DDAH1: variants seen among roughly 807,000 people sequenced by gnomAD.
DDAH1 encodes dimethylarginine dimethylaminohydrolase 1, also known as N(G),N(G)-dimethylarginine dimethylaminohydrolase 1.
A neutral mutation model predicts 28.8 loss-of-function variants in DDAH1; 19 were observed. The ratio of observed to expected loss-of-function variants is 0.66; its 90% confidence interval spans 0.46 to 0.97. The LOEUF is 0.97. DDAH1 is among the 50% of genes least tolerant of loss of function. The pLI is 0.00. For missense variants in DDAH1, 326 were observed against 375.9 expected, an observed-to-expected ratio of 0.87 and a Z score of 1.10; for synonymous variants, 153 against 154.4, an observed-to-expected ratio of 0.99 and a Z score of 0.07.
chr1:85,413,196 A>G (rs1236346617), intron 1 of DDAH1, among the ~76,000 whole-genome samples: 1 of 152,238 alleles, frequency 6.6e-6, no homozygotes, highest in Non-Finnish European at 1.5e-5. Flanking sequence ...ACTGAACTGC[A>G]TCTATGATAA....
rs531131988 is a variant in DDAH1 at position 85,337,385 on chromosome 1, G to T, written c.598-12502C>A. Among the ~76,000 whole-genome samples the T allele has an allele frequency of 3.3e-5, 5 of 152,024 alleles. No individual in the cohort carries two copies. In the South Asian group the frequency reaches 1.0e-3, roughly 32 times the overall value. The stretch of plus-strand genomic sequence containing the variant: ...CTGTTGGACTTAACTGCATACACTT[G>T]TCAAAACTCATTGAATTATCCATTT... On this transcript the variant is annotated intron_variant, in intron 4 of 5. Coordinates refer to ENST00000284031, the MANE Select transcript of DDAH1 (RefSeq NM_012137.4).
At chr1:85,323,494 A>G (rs1422399753) in intron 5 of DDAH1, among the ~76,000 whole-genome samples, 3 of 152,186 alleles carry the variant, frequency 2.0e-5, no homozygotes, top group Admixed American at 1.3e-4. Context: ...ATCCAGAGAG[A>G]GCTCCCTTAT....
At chr1:85,500,104 CTT>C (rs1656745662) in intron 1 of DDAH1, among the ~76,000 whole-genome samples, 1 of 128,164 alleles carries the variant, frequency 7.8e-6, no homozygotes, top group Non-Finnish European at 1.6e-5. Flanking sequence ...CCTCCTTCCT[CTT>C]TCTTTTCTTT....
chr1:85,466,581 A>G (rs1389448149), upstream of DDAH1, among the ~76,000 whole-genome samples: 1 of 152,074 alleles, frequency 6.6e-6, no homozygotes, highest in East Asian at 1.9e-4. Flanking sequence ...CAGCTCTGAC[A>G]CTGACATTGG....
At chr1:85,364,911 C>T (rs998604541) in intron 1 of DDAH1, among the ~76,000 whole-genome samples, 4 of 152,102 alleles carry the variant, frequency 2.6e-5, no homozygotes, top group Non-Finnish European at 5.9e-5. Flanking sequence ...ATTTTGTGTA[C>T]TCAATGATCC....
At chr1:85,547,782 C>T (rs905793870) in intron 1 of DDAH1, among the ~76,000 whole-genome samples, 1 of 152,154 alleles carries the variant, frequency 6.6e-6, no homozygotes. Flanking sequence ...TGCTGACTGG[C>T]CATCCAGGTC....
intron 1 of DDAH1, among the ~76,000 whole-genome samples, chr1:85,534,007 C>T (rs1320352829): frequency 5.9e-5 from 9 of 152,306 alleles, no homozygotes; most frequent in African/African-American, 2.2e-4. Flanking sequence ...CTAGAACTGA[C>T]ACCTTGTAGG....
chr1:85,395,377 T>C (rs1186833914), intron 1 of DDAH1, among the ~76,000 whole-genome samples: 1 of 152,130 alleles, frequency 6.6e-6, no homozygotes, highest in Admixed American at 6.6e-5. Flanking sequence ...GTTGTTTCAA[T>C]ATGAAAACGA....
intron 1 of DDAH1, among the ~76,000 whole-genome samples, chr1:85,562,469 C>T (rs1659169033): frequency 6.6e-6 from 1 of 152,078 alleles, no homozygotes; most frequent in Admixed American, 6.5e-5. Flanking sequence ...AGGCCTAGTA[C>T]CTGAGAATGT....
chr1:85,436,457 T>C lies in DDAH1; in HGVS notation c.303+28286A>G, dbSNP rs1325129484. On this transcript the variant is annotated intron_variant, in intron 1 of 5. Coordinates refer to ENST00000284031, the MANE Select transcript of DDAH1 (RefSeq NM_012137.4). ...TTGGCCAAAACCCCAGGGAAAGCTG[T>C]TGCATATCATTAATACGAATGTGTT... Among the ~76,000 whole-genome samples the C allele has an allele frequency of 6.6e-5, 10 of 152,174 alleles. 1 individual carries two copies. Among genetic ancestry groups the C allele is most frequent in the Non-Finnish European group, 1.0e-4 (7 of 68,038 alleles).
chr1:85,528,586 C>T (rs1657951664), intron 1 of DDAH1, among the ~76,000 whole-genome samples: 1 of 151,822 alleles, frequency 6.6e-6, no homozygotes, highest in Non-Finnish European at 1.5e-5. Flanking sequence ...GACAGACATG[C>T]AATCCCTTCT....
intron 1 of DDAH1, among the ~76,000 whole-genome samples, chr1:85,449,640 T>C (rs912131109): frequency 1.3e-5 from 2 of 152,064 alleles, no homozygotes; most frequent in Admixed American, 6.6e-5. Flanking sequence ...CTGTTGTTTA[T>C]TGCGGGTGAA....
At chr1:85,367,383 G>A (rs1650131005) in intron 1 of DDAH1, among the ~76,000 whole-genome samples, 2 of 152,058 alleles carry the variant, frequency 1.3e-5, no homozygotes, top group African/African-American at 2.4e-5. Context: ...CCTGCTATGC[G>A]CTCTGAGGAT....
intron 1 of DDAH1, among the ~76,000 whole-genome samples, chr1:85,536,948 CATATATATATAT>C (rs202209648): frequency 0.12 from 10,643 of 91,766 alleles, 482 homozygotes; most frequent in African/African-American, 0.15. Context: ...GAAAATGTGG[CATATATATATAT>C]ATATATATAT....
intron 1 of DDAH1, among the ~76,000 whole-genome samples, chr1:85,443,402 C>A (rs1654287465): frequency 6.6e-6 from 1 of 152,130 alleles, no homozygotes; most frequent in Non-Finnish European, 1.5e-5. Flanking sequence ...GTTTTGGTAC[C>A]AGTACCATGC....
chr1:85,561,058 C>T (rs1277064643), intron 1 of DDAH1, among the ~76,000 whole-genome samples: 1 of 151,986 alleles, frequency 6.6e-6, no homozygotes, highest in African/African-American at 2.4e-5. Context: ...TAATGTCATT[C>T]CATTTCAGGG....
chr1:85,446,132 C>T (rs1295937884), intron 1 of DDAH1, among the ~76,000 whole-genome samples: 3 of 152,164 alleles, frequency 2.0e-5, no homozygotes, highest in Non-Finnish European at 2.9e-5. Flanking sequence ...TTGTATTAGT[C>T]TGCTTTCATA....
At chr1:85,446,114 T>C (rs1220941980) in intron 1 of DDAH1, among the ~76,000 whole-genome samples, 3 of 152,216 alleles carry the variant, frequency 2.0e-5, no homozygotes, top group Non-Finnish European at 4.4e-5. Context: ...CAATTGCTCA[T>C]GGACTTGTTG....
chr1:85,484,489 C>T (rs576313921), intron 2 of DDAH1, among the ~76,000 whole-genome samples: 1 of 152,160 alleles, frequency 6.6e-6, no homozygotes, highest in East Asian at 1.9e-4. Flanking sequence ...GATGGAAGGA[C>T]TAGAACAAAG....
Sources: allele counts gnomAD v4.1 joint callset (sites outside exome capture counted in the v4.1 genomes callset), GRCh38; gene constraint gnomAD v4.1.1; transcripts MANE v1.5; gene names NCBI Gene and HGNC (gene_info 2026-07-23, HGNC 2026-07-21).